Variants in FBXW10 observed in about 807,000 individuals in gnomAD.
FBXW10 encodes F-box/WD repeat-containing protein 10.
FBXW10 carries 68 observed loss-of-function variants against 113.1 expected under a neutral mutation model. The ratio of observed to expected loss-of-function variants is 0.60; its 90% CI spans 0.49 to 0.74. FBXW10 has a LOEUF of 0.74. Among genes scored for constraint, FBXW10 ranks in the 30% least tolerant of loss-of-function variants. The pLI is 0.00. For missense variants in FBXW10, 753 were observed against 1,284.5 expected (o/e 0.59, Z 6.32); for synonymous variants, 289 against 481.6 (o/e 0.60, Z 5.24).
In FBXW10 at chr17:18,772,496, A is replaced by C; in HGVS notation, c.2091A>C (p.Gln697His). ...KWQYAVEKTK[Q>H]KKNKEKEEEK... ...AGTATGCCGTGGAAAAAACGAAACA[A>C]AAGAAGAATAAGGAGAAAGAGGAGG... Residue 697 changes from glutamine (Q) to histidine (H), a missense_variant, in exon 12 of 14, where the codon CAA becomes CAC. By Grantham distance (24) the Gln-to-His change is conservative. Coordinates refer to ENST00000395665, the MANE Select transcript of FBXW10 (RefSeq NM_001267585.2). 1 of 1,614,120 alleles carries C rather than the reference A, an allele frequency of 6.2e-7. No homozygotes were observed. The highest frequency in any genetic ancestry group is 8.5e-7 in the Non-Finnish European group (1 of 1,179,930).
At chr17:18,758,848 A>G (rs1389890798) in intron 7 of FBXW10, among the ~76,000 whole-genome samples, 1 of 151,114 alleles carries the variant, frequency 6.6e-6, no homozygotes, top group African/African-American at 2.4e-5. Flanking sequence ...TTTGAGACAG[A>G]CTATAGAGGC....
chr17:18,763,752 T>C (rs2035433227), intron 7 of FBXW10, among the ~76,000 whole-genome samples: 1 of 152,166 alleles, frequency 6.6e-6, no homozygotes, highest in Non-Finnish European at 1.5e-5. Context: ...TACATAAATA[T>C]TTTGGATCTA....
At chr17:18,775,028 T>G in intron 12 of FBXW10, 108 bp from the exon 13 acceptor site, 1 of 691,830 alleles carries the variant, frequency 1.4e-6, no homozygotes, top group East Asian at 2.7e-5. Flanking sequence ...TAGTGATATT[T>G]TGTATAAAAA....
intron 11 of FBXW10, among the ~76,000 whole-genome samples, chr17:18,771,253 A>G (rs2035608174): frequency 6.6e-6 from 1 of 152,236 alleles, no homozygotes; most frequent in African/African-American, 2.4e-5. Flanking sequence ...AGTTCCAGCC[A>G]AAACAAGTTA....
At chr17:18,748,139 G>T in intron 2 of FBXW10, 34 bp downstream of exon 2, 2 of 1,612,876 alleles carry the variant, frequency 1.2e-6, no homozygotes, top group Non-Finnish European at 1.7e-6. Flanking sequence ...GCCAATATGG[G>T]CTAGGTGCGG....
chr17:18,771,020 G>C (rs1433437620), intron 11 of FBXW10, among the ~76,000 whole-genome samples: 1 of 151,348 alleles, frequency 6.6e-6, no homozygotes, highest in East Asian at 1.9e-4. Flanking sequence ...TCCTTTTAGT[G>C]AAACTTTATT....
At chr17:18,747,423 T>G (rs1015570910) in intron 1 of FBXW10, among the ~76,000 whole-genome samples, 1 of 151,884 alleles carries the variant, frequency 6.6e-6, no homozygotes, top group African/African-American at 2.4e-5. Flanking sequence ...TAGCCAGGTG[T>G]CATGCACTTG....
At chr17:18,769,087 C>A (rs191939480) in intron 10 of FBXW10, among the ~76,000 whole-genome samples, 1 of 151,754 alleles carries the variant, frequency 6.6e-6, no homozygotes, top group Admixed American at 6.6e-5. Context: ...AGGCGCCCAC[C>A]ACCACACCCA....
At chr17:18,761,115 A>G (rs1413660835) in intron 7 of FBXW10, among the ~76,000 whole-genome samples, 3 of 152,158 alleles carry the variant, frequency 2.0e-5, no homozygotes, top group Admixed American at 6.5e-5. Flanking sequence ...CCATATGTGC[A>G]TGAGAATGTC....
At chr17:18,772,078 G>A (rs1597604498) in intron 11 of FBXW10, among the ~76,000 whole-genome samples, 1 of 152,286 alleles carries the variant, frequency 6.6e-6, no homozygotes, top group Admixed American at 6.5e-5. Context: ...CTGCACTCCA[G>A]CCCGGGTGAC....
intron 11 of FBXW10, among the ~76,000 whole-genome samples, chr17:18,771,270 TAG>T (rs1054992428): frequency 6.6e-6 from 1 of 152,206 alleles, no homozygotes; most frequent in Admixed American, 6.5e-5. Context: ...GTTACTTTTC[TAG>T]AGAGTTTATG....
chr17:18,755,441 G>A (rs183039642), intron 5 of FBXW10, among the ~76,000 whole-genome samples: 2 of 151,866 alleles, frequency 1.3e-5, no homozygotes, highest in African/African-American at 4.8e-5. Flanking sequence ...TGTAGTCCCA[G>A]TTACTCTGGA....
At chr17:18,755,392 T>C (rs201231821) in intron 5 of FBXW10, among the ~76,000 whole-genome samples, 1,919 of 128,538 alleles carry the variant, frequency 0.015, no homozygotes, top group East Asian at 0.043. Flanking sequence ...CTGTCTCTAC[T>C]AAAAATACAA....
chr17:18,765,876 G>A (rs1384260446), intron 8 of FBXW10, among the ~76,000 whole-genome samples: 2 of 151,584 alleles, frequency 1.3e-5, no homozygotes, highest in African/African-American at 4.8e-5. Flanking sequence ...ACAGTCGCAC[G>A]CCACCACGCC....
intron 9 of FBXW10, among the ~76,000 whole-genome samples, chr17:18,768,185 A>G (rs2035539797): frequency 6.6e-6 from 1 of 151,956 alleles, no homozygotes; most frequent in African/African-American, 2.4e-5. Flanking sequence ...CTCCTGCCTC[A>G]GCCACCCGAG....
At chr17:18,775,620 G>A (rs961960092) in intron 13 of FBXW10, among the ~76,000 whole-genome samples, 1 of 152,216 alleles carries the variant, frequency 6.6e-6, no homozygotes, top group Admixed American at 6.5e-5. Flanking sequence ...GTTGAGGCTG[G>A]TTTCAGAGAG....
chr17:18,758,890 A>G (rs2035325222), intron 7 of FBXW10, among the ~76,000 whole-genome samples: 1 of 152,024 alleles, frequency 6.6e-6, no homozygotes, highest in Admixed American at 6.6e-5. Context: ...ATACGTGGCC[A>G]GGCGCGGTGG....
intron 5 of FBXW10, among the ~76,000 whole-genome samples, chr17:18,752,500 G>A (rs1401565831): frequency 6.6e-6 from 1 of 152,090 alleles, no homozygotes; most frequent in East Asian, 1.9e-4. Flanking sequence ...GGATCACTAG[G>A]TCAGGAGTTT....
chr17:18,755,117 G>C (rs2035234119), intron 5 of FBXW10, among the ~76,000 whole-genome samples: 1 of 151,894 alleles, frequency 6.6e-6, no homozygotes, highest in African/African-American at 2.4e-5. Flanking sequence ...ACAAAAATTA[G>C]CCAGGCGTGG....
Sources: gnomAD v4.1 joint callset for allele counts (sites outside exome capture counted in the v4.1 genomes callset) on GRCh38, gnomAD v4.1.1 for gene constraint, MANE v1.5 for transcripts, NCBI Gene and HGNC (gene_info 2026-07-23, HGNC 2026-07-21) for gene names.